Variants in RBM33 observed in about 807,000 individuals in gnomAD.
The protein encoded by RBM33 is RNA-binding protein 33.
Under a neutral mutation model 132.6 loss-of-function variants are expected in RBM33, and 28 were observed. The ratio of observed to expected loss-of-function variants is 0.21; its 90% confidence interval spans 0.16 to 0.29. The LOEUF (loss-of-function observed/expected upper bound fraction) is 0.29. Among genes scored for constraint, RBM33 ranks in the 10% least tolerant of loss-of-function variants. The probability of loss-of-function intolerance (pLI) is 1.00; values close to 1 mark genes in which losing one functional copy is unlikely to be tolerated. For synonymous variants in RBM33, 634 were observed against 593.0 expected, an observed-to-expected ratio of 1.07 and a Z score of -1.01; for missense variants, 1,291 against 1,518.5, an observed-to-expected ratio of 0.85 and a Z score of 2.49.
At position 155,665,217 on chromosome 7, in the gene RBM33, C is replaced by G. The variant is rs1209123921; in HGVS notation, c.86C>G (p.Ser29Trp). 6.2e-7 allele frequency: 1 copy of G among 1,613,802 alleles called. No individual in the cohort carries two copies. Among genetic ancestry groups the G allele is most frequent in the Non-Finnish European group, 8.5e-7 (1 of 1,179,816 alleles). ...TTTGATAAGCCTGGCGCGGAACGGT[C>G]GTGGAGAAGAAGAGCTGCTGATGAG... ...DQFDKPGAER[S>W]WRRRAADEDW... The change falls in exon 2 of 18, where the codon TCG (serine) becomes TGG (tryptophan). Residue 29 changes from serine (S) to tryptophan (W), a missense_variant. Ser to Trp is a radical substitution (Grantham distance 177). Around this residue, in one of 7 missense-constraint regions of RBM33, gnomAD observed 194 missense variants for 249.8 expected, o/e 0.78. Coordinates refer to ENST00000401878, the MANE Select transcript of RBM33 (RefSeq NM_053043.3).
intron 6 of RBM33, chr7:155,701,333 C>T (rs564604219): frequency 4.1e-5 from 12 of 291,114 alleles, no homozygotes; most frequent in African/African-American, 8.7e-5. Context: ...TGGACAAGAC[C>T]GGTTTATATT....
In RBM33 at chr7:155,680,689, TGAGTATGAACAAGAACAAGGA is replaced by T. The variant is rs1435390609; in HGVS notation, c.352_372del (p.Tyr118_Glu124del). On this transcript the variant is annotated inframe_deletion, in exon 5 of 18. Coordinates refer to ENST00000401878, the MANE Select transcript of RBM33 (RefSeq NM_053043.3). Reference sequence around the variant, plus strand: ...ACGACCAATCTGGAGAACAGGAATCTGAGTATGAACAAGAACAAGGAGAGGATGAACTGGTTTATCACAAAT... The same window carrying T: ...ACGACCAATCTGGAGAACAGGAATCTGAGGATGAACTGGTTTATCACAAAT... The T allele has an allele frequency of 6.2e-7, 1 of 1,612,498 alleles. No individual in the cohort carries two copies. Among genetic ancestry groups the T allele is most frequent in the Non-Finnish European group, 8.5e-7 (1 of 1,179,266 alleles).
At chr7:155,646,846 A>T (rs1798211271) in intron 1 of RBM33, among the ~76,000 whole-genome samples, 1 of 152,226 alleles carries the variant, frequency 6.6e-6, no homozygotes, top group African/African-American at 2.4e-5. Flanking sequence ...TACCTGTTTT[A>T]CCATGCGTTC....
intron 1 of RBM33, among the ~76,000 whole-genome samples, chr7:155,649,895 A>C (rs922639876): frequency 1.3e-5 from 2 of 152,242 alleles, no homozygotes; most frequent in South Asian, 4.1e-4. Context: ...CACCTTCTGC[A>C]TATGCGTAGC....
At chr7:155,685,011 G>C (rs1404244687) in intron 5 of RBM33, 2 of 1,550,440 alleles carry the variant, frequency 1.3e-6, no homozygotes, top group Admixed American at 3.9e-5. Flanking sequence ...AGATGAATTA[G>C]ATGAGATTAC....
At chr7:155,770,778 A>G (rs1356680325) in intron 16 of RBM33, among the ~76,000 whole-genome samples, 19 of 152,146 alleles carry the variant, frequency 1.2e-4, no homozygotes, top group Admixed American at 1.2e-3. Flanking sequence ...ACACACATGC[A>G]CAGACTCTTC....
intron 1 of RBM33, among the ~76,000 whole-genome samples, chr7:155,645,393 G>A (rs1798156669): frequency 6.6e-6 from 1 of 152,254 alleles, no homozygotes; most frequent in South Asian, 2.1e-4. Context: ...TCACCTGTGT[G>A]AAGGAATGTG....
At chr7:155,770,446 C>G (rs1359053426) in intron 16 of RBM33, among the ~76,000 whole-genome samples, 1 of 152,210 alleles carries the variant, frequency 6.6e-6, no homozygotes, top group Non-Finnish European at 1.5e-5. Context: ...TGCAGGGGCT[C>G]TCGGCCCTTC....
chr7:155,748,630 G>T (rs1801595514), intron 14 of RBM33, among the ~76,000 whole-genome samples: 1 of 152,158 alleles, frequency 6.6e-6, no homozygotes, highest in South Asian at 2.1e-4. Context: ...ATTAAACTGG[G>T]TTTTTTGAAA....
chr7:155,665,828 GTGTTC>G (rs1469636468), intron 2 of RBM33, among the ~76,000 whole-genome samples: 1 of 152,210 alleles, frequency 6.6e-6, no homozygotes, highest in Non-Finnish European at 1.5e-5. Context: ...GGTTAGAGAT[GTGTTC>G]TGGGAGAAAT....
At chr7:155,736,423 G>A (rs1051714895) in intron 9 of RBM33, among the ~76,000 whole-genome samples, 1 of 152,130 alleles carries the variant, frequency 6.6e-6, no homozygotes, top group Non-Finnish European at 1.5e-5. Flanking sequence ...TTGGAGCAGT[G>A]AAAAAGTGGT....
rs755220765 is a variant in RBM33, at chr7:155,716,685, T to A, written c.1202-1700T>A. Among the ~76,000 whole-genome samples the A allele has an allele frequency of 2.1e-3, 323 of 152,204 alleles. 2 individuals are homozygous for A. Among genetic ancestry groups the A allele is most frequent in the Non-Finnish European group, 3.2e-3 (216 of 68,008 alleles). ...TCTTCTGAGGTCAGAGATATTCTTG[T>A]TTTTTTCTTTCTCCACTTTCTCCAG... On this transcript the variant is annotated intron_variant, in intron 8 of 17. Coordinates refer to ENST00000401878, the MANE Select transcript of RBM33 (RefSeq NM_053043.3).
chr7:155,678,662 AATGAAG>A lies in RBM33; in HGVS notation c.234_239del (p.Asp78_Glu79del), dbSNP rs1799251489. 1.3e-6 allele frequency: 2 copies of A among 1,575,426 alleles called. No homozygotes were observed. Among genetic ancestry groups the A allele is most frequent in the Non-Finnish European group, 1.7e-6 (2 of 1,154,972 alleles). ...AAATGATGATCTTTTGCAGAGTGAT[AATGAAG>A]ATGAAGAAAATTTCAGGTACTCAAT... On this transcript the variant is annotated inframe_deletion, in exon 4 of 18. Coordinates refer to ENST00000401878, the MANE Select transcript of RBM33 (RefSeq NM_053043.3).
intron 2 of RBM33, among the ~76,000 whole-genome samples, chr7:155,668,592 C>G (rs1231817990): frequency 6.6e-6 from 1 of 152,094 alleles, no homozygotes; most frequent in Non-Finnish European, 1.5e-5. Flanking sequence ...CTCTGCTTTT[C>G]CTGTTACCTG....
rs1176500242 is a variant in RBM33 at position 155,741,949 on chromosome 7, C to G, written c.2180C>G (p.Ser727Cys). 1.9e-6 allele frequency: 3 copies of G among 1,614,044 alleles called. No individual in the cohort carries two copies. The South Asian group carries it at 3.3e-5, about 18-fold the overall frequency. Residue 727 changes from serine to cysteine, a missense_variant, in exon 13 of 18, where the codon TCT becomes TGT. By Grantham distance (112) the Ser-to-Cys change is moderately radical (BLOSUM62 -1). Coordinates refer to ENST00000401878, the MANE Select transcript of RBM33 (RefSeq NM_053043.3). ...HVIEMSSSRCSATPSAQVKPI... is the reference protein window; with the variant it reads ...HVIEMSSSRCCATPSAQVKPI... ...ATAGAAATGAGCAGCAGCCGCTGCT[C>G]TGCCACGCCCTCAGCACAAGTGAAA...
intron 1 of RBM33, among the ~76,000 whole-genome samples, chr7:155,651,088 G>C (rs1433523929): frequency 1.3e-5 from 2 of 152,132 alleles, no homozygotes; most frequent in African/African-American, 4.8e-5. Context: ...ACGTTGGCCA[G>C]GCTGGTCTGG....
At chr7:155,746,925 CAT>C (rs898393119) in intron 14 of RBM33, among the ~76,000 whole-genome samples, 4 of 152,318 alleles carry the variant, frequency 2.6e-5, no homozygotes, top group Admixed American at 1.3e-4. Context: ...GATGGTAGGA[CAT>C]GTGATCATGT....
rs1554469952 is a variant in RBM33, at chr7:155,673,768, G to GCGCGCACACACA, written c.171+854_171+855insGCGCACACACAC. On this transcript the variant is annotated intron_variant, in intron 3 of 17. Coordinates refer to ENST00000401878, the MANE Select transcript of RBM33 (RefSeq NM_053043.3). ...CACGTGTATATACGCGCGCATGCGCGCACACACACACACACACACACACAC... is the reference window on the plus strand; with the variant it reads ...CACGTGTATATACGCGCGCATGCGCGCGCGCACACACACACACACACACACACACACACACAC... 4.9e-4 allele frequency among the ~76,000 whole-genome samples: 65 copies of GCGCGCACACACA among 132,976 alleles called. 9 individuals carry two copies. The highest frequency in any genetic ancestry group is 2.0e-3 in the African/African-American group (63 of 30,888). The allele number at this position is 132,976 out of a possible 152,430, so 87.2% of individuals were successfully genotyped here.
At chr7:155,753,143 G>A (rs544649337) in intron 14 of RBM33, among the ~76,000 whole-genome samples, 1 of 152,316 alleles carries the variant, frequency 6.6e-6, no homozygotes, top group East Asian at 1.9e-4. Flanking sequence ...GATAAAAGTA[G>A]TAGTTGTTTC....
Sources: gnomAD v4.1 joint callset for allele counts (sites outside exome capture counted in the v4.1 genomes callset) on GRCh38, gnomAD v4.1.1 for gene constraint, gnomAD v4.1.1 regional missense constraint, MANE v1.5 for transcripts, NCBI Gene and HGNC (gene_info 2026-07-23, HGNC 2026-07-21) for gene names.